BMF: variants seen among roughly 807,000 people sequenced by gnomAD.
BMF encodes the protein Bcl2 modifying factor, also known as bcl-2-modifying factor.
BMF carries 10 observed loss-of-function variants against 22.0 expected under a neutral mutation model. That is an observed-to-expected ratio of 0.45 (90% CI 0.28 to 0.77). The LOEUF (loss-of-function observed/expected upper bound fraction) is 0.77, where lower values mean the gene tolerates loss of function less well. Ranked by LOEUF, BMF falls within the 30% of genes least tolerant of loss-of-function variation. The pLI is 0.13. For synonymous variants in BMF, 87 were observed against 88.1 expected (o/e 0.99, Z 0.07); for missense variants, 206 against 226.8 (o/e 0.91, Z 0.59).
rs1195204052 is a variant in BMF at position 40,089,973 on chromosome 15, G to A, written c.*1814C>T. On this transcript the variant is annotated 3_prime_UTR_variant, in exon 5 of 5. Coordinates refer to ENST00000354670, the MANE Select transcript of BMF (RefSeq NM_001003940.2). ...GAGAATAGAATTCTGACCAAGAAGA[G>A]GTAATATCCAGAATATCTGAGCAGA... 1 of 152,644 alleles carries A rather than the reference G, an allele frequency of 6.6e-6. No individual in the cohort carries two copies. The highest frequency in any genetic ancestry group is 1.5e-5 in the Non-Finnish European group (1 of 68,040). The allele number at this position is 152,644 out of a possible 1,614,324, so 9.5% of individuals were successfully genotyped here. A position where few individuals can be genotyped will look rare whatever the true frequency, so the allele number is the denominator to read the frequency against.
At chr15:40,092,799 C>T (rs543171669) in intron 4 of BMF, among the ~76,000 whole-genome samples, 27 of 151,894 alleles carry the variant, frequency 1.8e-4, no homozygotes, top group African/African-American at 6.0e-4. Context: ...GGGGTGGAAA[C>T]TGGGGGGTGC....
chr15:40,105,891 C>T lies in BMF; in HGVS notation c.196G>A (p.Glu66Lys). 1 of 1,614,100 alleles carries T rather than the reference C, an allele frequency of 6.2e-7. No homozygotes were observed. The highest frequency in any genetic ancestry group is 1.1e-5 in the South Asian group (1 of 91,082). Residue 66 changes from glutamate to lysine, a missense_variant, in exon 3 of 5, where the codon GAA becomes AAA. By Grantham distance (56) the Glu-to-Lys change is moderately conservative. Transcript: ENST00000354670. ...CGPGLRPTSQ[E>K]DKATQTLSPA... ...CTGAGAGTCTGGGTAGCTTTGTCTT[C>T]CTGGCTGGTGGGTCGAAGGCCAGGG...
In BMF at chr15:40,107,278, A is replaced by G. The variant is rs185499678; in HGVS notation, c.-6+981T>C. The stretch of plus-strand genomic sequence containing the variant: ...GAGATTCCTGGGGGTTCTGTCCCCT[A>G]GTCTCTTGCCTTTGAAGAACAAGCC... On this transcript the variant is annotated intron_variant, in intron 2 of 4. Transcript: ENST00000354670. 2.0e-5 allele frequency among the ~76,000 whole-genome samples: 3 copies of G among 152,230 alleles called. No homozygotes were observed. In the East Asian group the frequency reaches 5.8e-4, roughly 29 times the overall value.
intron 4 of BMF, among the ~76,000 whole-genome samples, chr15:40,103,284 G>A (rs944399407): frequency 2.0e-5 from 3 of 152,236 alleles, no homozygotes; most frequent in Admixed American, 1.3e-4. Flanking sequence ...TCGCTTCCAG[G>A]TGGCATGCCT....
Position 40,091,486 on chromosome 15 carries a change from TA to T in BMF, c.*300del. On this transcript the variant is annotated 3_prime_UTR_variant, in exon 5 of 5. Coordinates refer to ENST00000354670, the MANE Select transcript of BMF (RefSeq NM_001003940.2). Reference sequence around the variant, plus strand: ...CTAACGGATCATCTTCGACAACTGGTAGATTCCTCAGTCGAAGAATCTACTT... The same window carrying T: ...CTAACGGATCATCTTCGACAACTGGTGATTCCTCAGTCGAAGAATCTACTT... 3.5e-6 allele frequency: 1 copy of T among 285,700 alleles called. No homozygotes were observed. Among genetic ancestry groups the T allele is most frequent in the East Asian group, 6.1e-5 (1 of 16,300 alleles). The allele number at this position is 285,700 out of a possible 1,614,324, so 17.7% of individuals were successfully genotyped here.
At chr15:40,094,672 T>G (rs1158129561) in intron 4 of BMF, among the ~76,000 whole-genome samples, 2 of 152,184 alleles carry the variant, frequency 1.3e-5, no homozygotes, top group Non-Finnish European at 2.9e-5. Context: ...CCAGACCCAC[T>G]GGGTCAGAAT....
In BMF at chr15:40,091,610, A is replaced by G. The variant is rs1195942153; in HGVS notation, c.*177T>C. 1.8e-6 allele frequency: 1 copy of G among 562,782 alleles called. No homozygotes were observed. Among genetic ancestry groups the G allele is most frequent in the South Asian group, 2.6e-5 (1 of 38,244 alleles). The allele number at this position is 562,782 out of a possible 1,614,324, so 34.9% of individuals were successfully genotyped here. A position where few individuals can be genotyped will look rare whatever the true frequency, so the allele number is the denominator to read the frequency against. On this transcript the variant is annotated 3_prime_UTR_variant, in exon 5 of 5. Coordinates refer to ENST00000354670, the MANE Select transcript of BMF (RefSeq NM_001003940.2). ...CCATTCCAGGTCAAGGGCCTGACAG[A>G]GAAAGAAGGTCCCGCTTGAGTATGT... is the stretch of plus-strand genomic sequence containing the variant.
chr15:40,108,835 G>A lies in BMF; in HGVS notation c.-196C>T, dbSNP rs1480692265. ...GGCGGCGGCGGCGGGCACAGGCCGG[G>A]GCGGGAGGAGGCCACTCCGCACGGT... On this transcript the variant is annotated 5_prime_UTR_variant, in exon 1 of 5. Transcript: ENST00000354670. 5 of 153,418 alleles carry A rather than the reference G, an allele frequency of 3.3e-5. No individual in the cohort carries two copies. Among genetic ancestry groups the A allele is most frequent in the Admixed American group, 1.3e-4 (2 of 15,272 alleles). 9.5% of individuals were successfully genotyped at this position (153,418 alleles called of 1,614,324 possible). A position where few individuals can be genotyped will look rare whatever the true frequency, so the allele number is the denominator to read the frequency against.
At chr15:40,095,125 C>T (rs569031280) in intron 4 of BMF, among the ~76,000 whole-genome samples, 7 of 152,104 alleles carry the variant, frequency 4.6e-5, no homozygotes, top group Admixed American at 4.6e-4. Context: ...CACCCATGGG[C>T]CCATGAGCCC....
rs1220532710 is a variant in BMF at position 40,105,814 on chromosome 15, T to C, written c.273A>G (p.Glu91=). Residue 91 remains glutamate, a synonymous_variant, in exon 3 of 5, where the codon GAA becomes GAG. Transcript: ENST00000354670. ...GVMLPCGVTE[E]PQRLFYGNAG... ...ACTCACCATAAAAGAGTCGCTGGGG[T>C]TCCTCAGTCACCCCACAAGGCAGCA... is the stretch of plus-strand genomic sequence containing the variant. 5 of 1,607,494 alleles carry C rather than the reference T, an allele frequency of 3.1e-6. 1 individual carries two copies. Among genetic ancestry groups the C allele is most frequent in the African/African-American group, 1.3e-5 (1 of 74,808 alleles).
At chr15:40,100,275 T>A (rs2036449915) in intron 4 of BMF, among the ~76,000 whole-genome samples, 1 of 152,204 alleles carries the variant, frequency 6.6e-6, no homozygotes, top group African/African-American at 2.4e-5. Context: ...AAGCTGGGGC[T>A]CAGACCTTCT....
At position 40,108,763 on chromosome 15, in the gene BMF, G is replaced by C. The variant is rs1426485340; in HGVS notation, c.-134+10C>G. On this transcript the variant is annotated intron_variant, in intron 1 of 4. Coordinates refer to ENST00000354670, the MANE Select transcript of BMF (RefSeq NM_001003940.2). ...TCCGCCCGGCCCCCGGCGGCCACCCGGGCGCTCACCGGGCTGCGGCAGGAG... is the reference window on the plus strand; with the variant it reads ...TCCGCCCGGCCCCCGGCGGCCACCCCGGCGCTCACCGGGCTGCGGCAGGAG... The C allele has an allele frequency of 1.3e-5, 2 of 153,418 alleles. No individual in the cohort carries two copies. The highest frequency in any genetic ancestry group is 1.9e-4 in the East Asian group (1 of 5,218). The allele number at this position is 153,418 out of a possible 1,614,324, so 9.5% of individuals were successfully genotyped here.
At chr15:40,100,658 G>T (rs1230995083) in intron 4 of BMF, among the ~76,000 whole-genome samples, 1 of 152,218 alleles carries the variant, frequency 6.6e-6, no homozygotes, top group Non-Finnish European at 1.5e-5. Flanking sequence ...GGTAACTCGG[G>T]TGACCAGGCT....
At chr15:40,097,484 C>T (rs2036390192) in intron 4 of BMF, among the ~76,000 whole-genome samples, 1 of 152,210 alleles carries the variant, frequency 6.6e-6, no homozygotes, top group South Asian at 2.1e-4. Context: ...TGTGTGCTTC[C>T]TTGTACCCTT....
chr15:40,101,007 T>G (rs941935477), intron 4 of BMF, among the ~76,000 whole-genome samples: 1 of 152,204 alleles, frequency 6.6e-6, no homozygotes, highest in Non-Finnish European at 1.5e-5. Context: ...TCAAGTCCCA[T>G]CTGCCTCTAG....
intron 4 of BMF, among the ~76,000 whole-genome samples, chr15:40,101,397 G>C (rs915863855): frequency 6.6e-6 from 1 of 152,216 alleles, no homozygotes; most frequent in Non-Finnish European, 1.5e-5. Flanking sequence ...GCTCAGTGAA[G>C]TCAAGTGACT....
intron 4 of BMF, among the ~76,000 whole-genome samples, chr15:40,096,486 C>T (rs1024188432): frequency 6.6e-6 from 1 of 152,208 alleles, no homozygotes; most frequent in African/African-American, 2.4e-5. Context: ...CAGAGAGCAA[C>T]TTATAATATC....
intron 2 of BMF, among the ~76,000 whole-genome samples, chr15:40,107,153 A>G (rs1595488487): frequency 6.6e-6 from 1 of 152,172 alleles, no homozygotes. Flanking sequence ...CCCTACACAT[A>G]CCAGGAACTG....
chr15:40,092,019 A>C, intron 4 of BMF, 131 bp from the exon 5 acceptor site: 3 of 677,980 alleles, frequency 4.4e-6, no homozygotes, highest in Non-Finnish European at 7.7e-6. Flanking sequence ...AGTACAGCTC[A>C]CAGCGGGGAG....
Sources: allele counts gnomAD v4.1 joint callset (sites outside exome capture counted in the v4.1 genomes callset), GRCh38; gene constraint gnomAD v4.1.1; transcripts MANE v1.5; gene names NCBI Gene and HGNC (gene_info 2026-07-23, HGNC 2026-07-21).